ADGRL2: variants seen among roughly 807,000 people sequenced by gnomAD.
ADGRL2 encodes the protein adhesion G protein-coupled receptor L2, also known as calcium-independent alpha-latrotoxin receptor 2.
In ADGRL2, 44 loss-of-function variants were observed where a neutral mutation model predicts 157.4. The ratio of observed to expected loss-of-function variants is 0.28; its 90% CI spans 0.22 to 0.36. The LOEUF (loss-of-function observed/expected upper bound fraction) is 0.36. ADGRL2 is among the 10% of genes least tolerant of loss of function. The probability of loss-of-function intolerance (pLI) is 1.00; values close to 1 mark genes in which losing one functional copy is unlikely to be tolerated. For missense variants in ADGRL2, 1,510 were observed against 1,768.9 expected, an observed-to-expected ratio of 0.85 and a Z score of 2.63; for synonymous variants, 585 against 624.7, an observed-to-expected ratio of 0.94 and a Z score of 0.95.
intron 3 of ADGRL2, among the ~76,000 whole-genome samples, chr1:81,611,343 G>T (rs937730801): frequency 1.3e-5 from 2 of 152,110 alleles, no homozygotes; most frequent in Admixed American, 6.5e-5. Context: ...GGAAGTCTCA[G>T]TTCTCTCATT....
At chr1:81,619,104 A>T (rs749501626) in intron 3 of ADGRL2, among the ~76,000 whole-genome samples, 1 of 152,218 alleles carries the variant, frequency 6.6e-6, no homozygotes, top group Non-Finnish European at 1.5e-5. Context: ...GTCTAATCTC[A>T]ATTGCTGTAC....
At chr1:81,911,954 C>T (rs1279162042) in intron 3 of ADGRL2, among the ~76,000 whole-genome samples, 1 of 149,894 alleles carries the variant, frequency 6.7e-6, no homozygotes, top group Non-Finnish European at 1.5e-5. Context: ...ATTTATGGAA[C>T]TAGCCTGGCT....
rs1478395404 is a variant in ADGRL2, at chr1:81,986,896, T to C, written c.3509-5T>C. 6.2e-7 allele frequency: 1 copy of C among 1,605,384 alleles called. No homozygotes were observed. The highest frequency in any genetic ancestry group is 1.7e-5 in the Admixed American group (1 of 58,770). ...TTTTTTTGTTGTTTTTTTTTTTTAC[T>C]TTAGGAATGACTGGCAATTACCTAC... On this transcript the variant is annotated splice_polypyrimidine_tract_variant and splice_region_variant and intron_variant, in intron 21 of 23. Transcript: ENST00000686636.
chr1:81,764,385 T>A (rs1279572824), intron 2 of ADGRL2, among the ~76,000 whole-genome samples: 1 of 152,030 alleles, frequency 6.6e-6, no homozygotes, highest in African/African-American at 2.4e-5. Context: ...ATGTATAAAT[T>A]TTAGTTATAT....
At chr1:81,872,957 C>T (rs2093738218) in intron 2 of ADGRL2, among the ~76,000 whole-genome samples, 1 of 151,914 alleles carries the variant, frequency 6.6e-6, no homozygotes, top group South Asian at 2.1e-4. Context: ...GCTATATCAG[C>T]TTAAATAATG....
chr1:81,784,383 A>T (rs1178410511), intron 2 of ADGRL2, among the ~76,000 whole-genome samples: 1 of 152,244 alleles, frequency 6.6e-6, no homozygotes, highest in Non-Finnish European at 1.5e-5. Context: ...TCTTGACTGT[A>T]GAATTTTAAA....
intron 2 of ADGRL2, among the ~76,000 whole-genome samples, chr1:81,842,632 A>G (rs995180308): frequency 6.6e-6 from 1 of 152,040 alleles, no homozygotes; most frequent in Non-Finnish European, 1.5e-5. Flanking sequence ...CTGGGATTAT[A>G]TGCATGAGAC....
upstream of ADGRL2, among the ~76,000 whole-genome samples, chr1:81,799,440 C>A (rs1449593150): frequency 1.3e-5 from 2 of 152,066 alleles, no homozygotes; most frequent in Non-Finnish European, 2.9e-5. Flanking sequence ...TACAATGAAA[C>A]CACCAAAAGA....
chr1:81,425,394 A>C (rs1220596794), intron 1 of ADGRL2, among the ~76,000 whole-genome samples: 1 of 136,350 alleles, frequency 7.3e-6, no homozygotes, highest in Non-Finnish European at 1.6e-5. Flanking sequence ...CAGCAAGAGC[A>C]GATATTAGAA....
At chr1:81,819,279 G>A (rs1176650377) in intron 1 of ADGRL2, among the ~76,000 whole-genome samples, 1 of 152,052 alleles carries the variant, frequency 6.6e-6, no homozygotes, top group Admixed American at 6.6e-5. Context: ...GCGAGGTAAA[G>A]GAGGAGCAAA....
intron 11 of ADGRL2, among the ~76,000 whole-genome samples, chr1:81,964,425 C>T (rs929744353): frequency 6.6e-6 from 1 of 152,026 alleles, no homozygotes; most frequent in East Asian, 1.9e-4. Context: ...ATCCATCTAC[C>T]CAGCAGCTTA....
intron 1 of ADGRL2, among the ~76,000 whole-genome samples, chr1:81,402,481 C>A (rs1007065561): frequency 6.6e-6 from 1 of 152,108 alleles, no homozygotes; most frequent in African/African-American, 2.4e-5. Context: ...GCCATCAACC[C>A]TCTCGGTATA....
chr1:81,472,001 C>G (rs1332827255), intron 2 of ADGRL2, among the ~76,000 whole-genome samples: 1 of 152,140 alleles, frequency 6.6e-6, no homozygotes, highest in African/African-American at 2.4e-5. Context: ...CCTCAAATTA[C>G]AGTAAATAAC....
intron 1 of ADGRL2, among the ~76,000 whole-genome samples, chr1:81,709,697 C>T (rs1168748548): frequency 2.0e-5 from 3 of 152,032 alleles, no homozygotes; most frequent in African/African-American, 7.2e-5. Flanking sequence ...TTCTGCCCAT[C>T]CATCTCTCTT....
intron 2 of ADGRL2, among the ~76,000 whole-genome samples, chr1:81,578,649 A>G (rs1399348117): frequency 6.6e-6 from 1 of 152,176 alleles, no homozygotes; most frequent in Non-Finnish European, 1.5e-5. Flanking sequence ...GTTCTAAAAT[A>G]ATAAGAATGA....
chr1:81,937,752 A>G (rs2095330867), intron 4 of ADGRL2, among the ~76,000 whole-genome samples: 1 of 151,626 alleles, frequency 6.6e-6, no homozygotes, highest in Non-Finnish European at 1.5e-5. Flanking sequence ...GTTTTTGTAC[A>G]CTTTCCTCCT....
chr1:81,916,794 G>T (rs1307796772), intron 3 of ADGRL2, among the ~76,000 whole-genome samples: 1 of 151,758 alleles, frequency 6.6e-6, no homozygotes, highest in African/African-American at 2.4e-5. Flanking sequence ...AATTATTCTT[G>T]TACATTTTAA....
chr1:81,348,266 GAC>G (rs1348283715), intron 1 of ADGRL2, among the ~76,000 whole-genome samples: 3 of 152,058 alleles, frequency 2.0e-5, no homozygotes, highest in African/African-American at 4.8e-5. Context: ...CTCCCCAACA[GAC>G]ACACACACAT....
At chr1:81,441,902 C>T (rs375929691) in intron 1 of ADGRL2, among the ~76,000 whole-genome samples, 8 of 152,180 alleles carry the variant, frequency 5.3e-5, no homozygotes, top group East Asian at 3.9e-4. Context: ...TGTGGTGGTG[C>T]GATCATAGCT....
Sources: allele counts gnomAD v4.1 joint callset (sites outside exome capture counted in the v4.1 genomes callset), GRCh38; gene constraint gnomAD v4.1.1; transcripts MANE v1.5; gene names NCBI Gene and HGNC (gene_info 2026-07-23, HGNC 2026-07-21).